The following KATNIP variants were observed in gnomAD, a reference collection of about 807,000 sequenced individuals.
KATNIP encodes katanin interacting protein.
KATNIP carries 126 observed loss-of-function variants against 174.0 expected under a neutral mutation model. That is an observed-to-expected ratio of 0.72 (90% CI 0.63 to 0.84). The LOEUF (loss-of-function observed/expected upper bound fraction) is 0.84. Among genes scored for constraint, KATNIP ranks in the 40% least tolerant of loss-of-function variants. KATNIP has a pLI of 0.00. For missense variants in KATNIP, 1,958 were observed against 2,109.7 expected (o/e 0.93, Z 1.41); for synonymous variants, 810 against 835.7 (o/e 0.97, Z 0.53).
At chr16:27,645,249 C>G (rs941350543) in intron 5 of KATNIP, among the ~76,000 whole-genome samples, 1 of 152,204 alleles carries the variant, frequency 6.6e-6, no homozygotes, top group Non-Finnish European at 1.5e-5. Flanking sequence ...GTGCCAAAGC[C>G]CCAGCCGAGG....
In KATNIP at chr16:27,740,759, ACAC is replaced by A. The variant is rs756472551; in HGVS notation, c.2465_2467del (p.Thr822del). ...GGGTGGGGGACCAGCCGGAGTGTCA[ACAC>A]CAAGGAGAGACCCCAGAGGGCAACC... On this transcript the variant is annotated inframe_deletion, in exon 15 of 28. Transcript: ENST00000261588. 37 of 1,614,094 alleles carry A rather than the reference ACAC, an allele frequency of 2.3e-5. No individual in the cohort carries two copies. In the East Asian group the frequency reaches 8.2e-4, roughly 36 times the overall value.
At chr16:27,683,115 A>T (rs2078407018) in intron 8 of KATNIP, among the ~76,000 whole-genome samples, 1 of 152,170 alleles carries the variant, frequency 6.6e-6, no homozygotes, top group Non-Finnish European at 1.5e-5. Context: ...AGGCACTGGG[A>T]TAGGATTTGA....
At chr16:27,609,843 C>T (rs969619961) in intron 2 of KATNIP, among the ~76,000 whole-genome samples, 17 of 152,100 alleles carry the variant, frequency 1.1e-4, no homozygotes, top group Admixed American at 1.1e-3. Flanking sequence ...AAGCATGCGC[C>T]ACCATGCCCA....
intron 2 of KATNIP, among the ~76,000 whole-genome samples, chr16:27,617,946 C>T (rs570169717): frequency 6.6e-5 from 10 of 152,228 alleles, no homozygotes; most frequent in African/African-American, 2.4e-4. Flanking sequence ...CTAGGTTACC[C>T]AGGTTAGTCT....
chr16:27,773,774 G>A (rs1342745776), intron 23 of KATNIP, among the ~76,000 whole-genome samples: 1 of 152,102 alleles, frequency 6.6e-6, no homozygotes, highest in Non-Finnish European at 1.5e-5. Flanking sequence ...GGCTGGACCT[G>A]GTTATCTGTT....
intron 8 of KATNIP, among the ~76,000 whole-genome samples, chr16:27,688,034 T>C (rs1352471049): frequency 6.6e-6 from 1 of 152,196 alleles, no homozygotes; most frequent in African/African-American, 2.4e-5. Flanking sequence ...ATCCTGGTGC[T>C]CAGATGGTCT....
intron 19 of KATNIP, among the ~76,000 whole-genome samples, chr16:27,762,568 A>T (rs1341849917): frequency 6.6e-6 from 1 of 152,176 alleles, no homozygotes; most frequent in Non-Finnish European, 1.5e-5. Flanking sequence ...CCACTAAGTT[A>T]TACTGTCTCC....
Position 27,703,977 on chromosome 16 carries a change from G to A in KATNIP, c.1368G>A (p.Lys456=). ...TCGGCAGGGTGGTTTCACCAACCAA[G>A]GAGCAAGTATCAGACACAGAGGTGA... ...AHLGRVVSPT[K]EQVSDTEDKQ... is the part of the protein sequence containing the mutation. The change falls in exon 12 of 28, where the codon AAG becomes AAA. Residue 456 remains lysine (K), a synonymous_variant. Transcript: ENST00000261588. 1.9e-6 allele frequency: 3 copies of A among 1,614,152 alleles called. No individual in the cohort carries two copies. The highest frequency in any genetic ancestry group is 2.5e-6 in the Non-Finnish European group (3 of 1,179,972).
intron 15 of KATNIP, among the ~76,000 whole-genome samples, chr16:27,747,455 G>A (rs567231083): frequency 2.0e-5 from 3 of 152,140 alleles, no homozygotes; most frequent in South Asian, 4.2e-4. Flanking sequence ...TCCATCTCTC[G>A]ACTCGTGTTC....
chr16:27,778,440 C>T (rs1054157267), intron 27 of KATNIP, 134 bp from the exon 28 acceptor site: 18 of 810,882 alleles, frequency 2.2e-5, no homozygotes, highest in South Asian at 1.7e-4. Context: ...GCGTGCCAGG[C>T]GCCCCGAGAG....
At chr16:27,703,716 G>C (rs1190869127) in intron 11 of KATNIP, among the ~76,000 whole-genome samples, 180 bp from the exon 12 acceptor site, 1 of 152,146 alleles carries the variant, frequency 6.6e-6, no homozygotes, top group Non-Finnish European at 1.5e-5. Context: ...ATCACTAATT[G>C]TGTAGCCATT....
chr16:27,550,273 A>C, intron 1 of KATNIP, 96 bp downstream of exon 1: 1 of 1,391,822 alleles, frequency 7.2e-7, no homozygotes, highest in South Asian at 1.3e-5. Flanking sequence ...GAACCCCTGG[A>C]CCACCACTTC....
chr16:27,552,686 GTTTTTTTT>G (rs768836183), intron 1 of KATNIP, among the ~76,000 whole-genome samples: 2 of 94,382 alleles, frequency 2.1e-5, no homozygotes, highest in African/African-American at 4.2e-5. Context: ...GCAAGTGGCA[GTTTTTTTT>G]TTTTTTTTTT....
At position 27,648,753 on chromosome 16, in the gene KATNIP, C is replaced by G. The variant is rs774493089; in HGVS notation, c.540+18C>G. 145 of 1,610,052 alleles carry G rather than the reference C, an allele frequency of 9.0e-5. 2 individuals are homozygous for G. The Admixed American group carries it at 2.4e-3, about 26-fold the overall frequency. ...GTCCGCAGGTAGGGATGGCCTTGGC[C>G]TTGTGCTCGGGACACCTGAAGGACG... On this transcript the variant is annotated intron_variant, in intron 6 of 27. Coordinates refer to ENST00000261588, the MANE Select transcript of KATNIP (RefSeq NM_015202.5).
In KATNIP at chr16:27,771,586, A is replaced by G; in HGVS notation, c.4134-2A>G. ...TCATGGTGCTGTTTTGTGCTTTTTC[A>G]GGCTGGACATGAGAAGCCTGGAGTG... is the stretch of plus-strand genomic sequence containing the variant. On this transcript the variant is annotated splice_acceptor_variant, in intron 21 of 27. Coordinates refer to ENST00000261588, the MANE Select transcript of KATNIP (RefSeq NM_015202.5). LOFTEE classifies it high-confidence loss of function. The G allele has an allele frequency of 6.2e-7, 1 of 1,612,018 alleles. No homozygotes were observed. Among genetic ancestry groups the G allele is most frequent in the Non-Finnish European group, 8.5e-7 (1 of 1,178,856 alleles).
intron 2 of KATNIP, among the ~76,000 whole-genome samples, chr16:27,616,694 T>C (rs1430930470): frequency 6.6e-6 from 1 of 151,322 alleles, no homozygotes; most frequent in Non-Finnish European, 1.5e-5. Context: ...GCCACTGCAC[T>C]CCAGCCTGGG....
At position 27,618,498 on chromosome 16, in the gene KATNIP, AC is replaced by A. The variant is rs1175508229; in HGVS notation, c.139del (p.Arg47GlyfsTer3). On this transcript the variant is annotated frameshift_variant and splice_region_variant, in exon 3 of 28. Transcript: ENST00000261588. LOFTEE classifies it high-confidence loss of function. ...TATTTAATATTGCTTCAGCAGAGGA[AC>A]CGGTAAGAGAAGCCACTCGACGGCA... is the stretch of plus-strand genomic sequence containing the variant. Reference protein sequence around the residue: ...DEYLILLQQRNRILKHLKSKD... With the variant: ...DEYLILLQQRXRILKHLKSKD... 1 of 1,604,064 alleles carries A rather than the reference AC, an allele frequency of 6.2e-7. No homozygotes were observed. Among genetic ancestry groups the A allele is most frequent in the Non-Finnish European group, 8.5e-7 (1 of 1,171,598 alleles).
intron 21 of KATNIP, among the ~76,000 whole-genome samples, chr16:27,770,283 G>C (rs1049112837): frequency 1.3e-5 from 2 of 152,210 alleles, no homozygotes; most frequent in Non-Finnish European, 2.9e-5. Context: ...TGAGAAAAGA[G>C]GCTACAGCCT....
intron 20 of KATNIP, among the ~76,000 whole-genome samples, chr16:27,768,261 A>T (rs1442419213): frequency 6.6e-6 from 1 of 152,190 alleles, no homozygotes; most frequent in Non-Finnish European, 1.5e-5. Context: ...AAATCCCTTC[A>T]GTGGCCCTCG....
Sources: allele counts gnomAD v4.1 joint callset (sites outside exome capture counted in the v4.1 genomes callset), GRCh38; gene constraint gnomAD v4.1.1; transcripts MANE v1.5; gene names NCBI Gene and HGNC (gene_info 2026-07-23, HGNC 2026-07-21).